The following ADAMTS17 variants were observed in gnomAD, a reference collection of about 807,000 sequenced individuals.
The protein encoded by ADAMTS17 is ADAM metallopeptidase with thrombospondin type 1 motif 17.
A neutral mutation model predicts 141.5 loss-of-function variants in ADAMTS17; 113 were observed. The ratio of observed to expected loss-of-function variants is 0.80; its 90% confidence interval spans 0.69 to 0.93. ADAMTS17 has a LOEUF of 0.93. ADAMTS17 is among the 40% of genes least tolerant of loss of function. ADAMTS17 has a pLI of 0.00. For missense variants in ADAMTS17, 1,659 were observed against 1,517.9 expected (o/e 1.09, Z -1.54); for synonymous variants, 768 against 630.6 (o/e 1.22, Z -3.27).
Position 100,119,959 on chromosome 15 carries a change from G to A in ADAMTS17, c.1722-2946C>T, listed in dbSNP as rs575933307. Reference sequence around the variant, plus strand: ...TACCACTAACCTTATGAAATGGAGGGCTGTCTTCCTCCTGTTCCTCTTATC... The same window carrying A: ...TACCACTAACCTTATGAAATGGAGGACTGTCTTCCTCCTGTTCCTCTTATC... On this transcript the variant is annotated intron_variant, in intron 12 of 21. Transcript: ENST00000268070. 5.9e-5 allele frequency among the ~76,000 whole-genome samples: 9 copies of A among 152,330 alleles called. No homozygotes were observed. The South Asian group carries it at 1.2e-3, about 21-fold the overall frequency.
chr15:100,305,143 T>C (rs957029225), intron 3 of ADAMTS17, among the ~76,000 whole-genome samples: 5 of 152,086 alleles, frequency 3.3e-5, no homozygotes, highest in Non-Finnish European at 5.9e-5. Flanking sequence ...GGAGGGTCAG[T>C]ACCCTTCATC....
At chr15:100,294,272 T>C (rs1170607739) in intron 3 of ADAMTS17, among the ~76,000 whole-genome samples, 2 of 152,170 alleles carry the variant, frequency 1.3e-5, no homozygotes, top group Non-Finnish European at 2.9e-5. Flanking sequence ...ATTGCTTTTA[T>C]GAACACTACA....
At chr15:100,025,045 G>A (rs1561046) in intron 18 of ADAMTS17, among the ~76,000 whole-genome samples, 17,140 of 152,176 alleles carry the variant, frequency 0.11, 2,588 homozygotes, top group African/African-American at 0.34. Flanking sequence ...TCGGTCTTGG[G>A]TTGAGAGTGG....
intron 4 of ADAMTS17, among the ~76,000 whole-genome samples, chr15:100,279,036 A>C (rs1052510583): frequency 1.3e-5 from 2 of 152,104 alleles, no homozygotes; most frequent in African/African-American, 4.8e-5. Context: ...CCCCAGCTAC[A>C]CAACTACCAG....
At chr15:100,199,529 G>A (rs1596255881) in intron 7 of ADAMTS17, 106 bp from the exon 8 acceptor site, 2 of 921,092 alleles carry the variant, frequency 2.2e-6, no homozygotes, top group Non-Finnish European at 1.8e-6. Flanking sequence ...CAGGCACACG[G>A]CAACAATGGT....
intron 7 of ADAMTS17, among the ~76,000 whole-genome samples, chr15:100,243,169 T>C (rs2042878421): frequency 6.6e-6 from 1 of 152,224 alleles, no homozygotes; most frequent in Non-Finnish European, 1.5e-5. Flanking sequence ...TCCTTCCTTT[T>C]GAAGGCTGAG....
At chr15:100,243,834 A>T (rs2042904426) in intron 7 of ADAMTS17, among the ~76,000 whole-genome samples, 1 of 73,946 alleles carries the variant, frequency 1.4e-5, no homozygotes, top group Admixed American at 1.3e-4. Flanking sequence ...GAAATGAAAC[A>T]AAACAAAATG....
intron 2 of ADAMTS17, among the ~76,000 whole-genome samples, chr15:100,333,633 T>G (rs746054349): frequency 6.6e-6 from 1 of 152,356 alleles, no homozygotes; most frequent in Non-Finnish European, 1.5e-5. Context: ...TGTGGAGCTC[T>G]GCCCACTGCC....
intron 3 of ADAMTS17, among the ~76,000 whole-genome samples, chr15:100,292,313 C>G (rs1257027486): frequency 6.8e-6 from 1 of 148,140 alleles, no homozygotes; most frequent in African/African-American, 2.5e-5. Context: ...TGTGAAACTA[C>G]GAGAGACACT....
At chr15:100,198,200 C>T (rs1567336662) in intron 8 of ADAMTS17, among the ~76,000 whole-genome samples, 1 of 152,016 alleles carries the variant, frequency 6.6e-6, no homozygotes, top group African/African-American at 2.4e-5. Flanking sequence ...AAAAACAAAA[C>T]AAAAAGGTCA....
chr15:100,113,358 T>C (rs75430148), intron 13 of ADAMTS17, among the ~76,000 whole-genome samples: 3,351 of 152,298 alleles, frequency 0.022, 112 homozygotes, highest in African/African-American at 0.072. Context: ...AAAACCAGCC[T>C]GGACTGATGT....
At chr15:100,177,361 G>A (rs751939212) in intron 8 of ADAMTS17, among the ~76,000 whole-genome samples, 29 of 152,034 alleles carry the variant, frequency 1.9e-4, no homozygotes, top group Non-Finnish European at 3.2e-4. Context: ...TTTTCATTCC[G>A]TTCTATGTAT....
At chr15:100,037,651 C>T (rs756785734) in intron 18 of ADAMTS17, among the ~76,000 whole-genome samples, 2 of 151,996 alleles carry the variant, frequency 1.3e-5, no homozygotes, top group Non-Finnish European at 2.9e-5. Context: ...TCAGGAGATC[C>T]GTCTGCCTCG....
chr15:100,045,447 T>G (rs1444732539), intron 18 of ADAMTS17, among the ~76,000 whole-genome samples: 1 of 152,204 alleles, frequency 6.6e-6, no homozygotes, highest in Non-Finnish European at 1.5e-5. Context: ...GCAGCTAATT[T>G]GGCTGGAATA....
At chr15:100,338,965 C>G (rs1444888760) in intron 2 of ADAMTS17, 2 of 985,420 alleles carry the variant, frequency 2.0e-6, no homozygotes, top group Admixed American at 6.1e-5. Context: ...CCAAGTCACC[C>G]CACTGTCTCT....
At chr15:100,290,853 A>T (rs556130950) in intron 3 of ADAMTS17, among the ~76,000 whole-genome samples, 3 of 152,242 alleles carry the variant, frequency 2.0e-5, no homozygotes, top group Admixed American at 2.0e-4. Flanking sequence ...TTAACTCGGG[A>T]TGGATTAAAT....
chr15:100,144,837 T>C (rs984175491), intron 10 of ADAMTS17, among the ~76,000 whole-genome samples: 1 of 150,008 alleles, frequency 6.7e-6, no homozygotes, highest in Non-Finnish European at 1.5e-5. Flanking sequence ...GGGAACAGTG[T>C]GGGCTCATCT....
intron 15 of ADAMTS17, among the ~76,000 whole-genome samples, chr15:100,081,467 C>G (rs919883474): frequency 5.9e-5 from 9 of 152,194 alleles, no homozygotes; most frequent in African/African-American, 1.7e-4. Context: ...TGTGCTAAAA[C>G]TCATTCAATC....
intron 7 of ADAMTS17, among the ~76,000 whole-genome samples, chr15:100,240,285 G>A (rs2141893082): frequency 6.6e-6 from 1 of 152,332 alleles, no homozygotes; most frequent in Non-Finnish European, 1.5e-5. Context: ...TTCTCAAGGA[G>A]CAGCAATCTC....
Sources: allele counts gnomAD v4.1 joint callset (sites outside exome capture counted in the v4.1 genomes callset), GRCh38; gene constraint gnomAD v4.1.1; transcripts MANE v1.5; gene names NCBI Gene and HGNC (gene_info 2026-07-23, HGNC 2026-07-21).